CHRNG: variants seen among roughly 807,000 people sequenced by gnomAD.
CHRNG encodes acetylcholine receptor subunit gamma.
A neutral mutation model predicts 65.2 loss-of-function variants in CHRNG; 72 were observed. The ratio of observed to expected loss-of-function variants is 1.10; its 90% confidence interval spans 0.91 to 1.34. The LOEUF (loss-of-function observed/expected upper bound fraction) is 1.34. Ranked by LOEUF, CHRNG falls within the 40% of genes most tolerant of loss-of-function variation. The probability of loss-of-function intolerance (pLI) is 0.00; values close to 1 mark genes in which losing one functional copy is unlikely to be tolerated. For synonymous variants in CHRNG, 284 were observed against 290.2 expected, an observed-to-expected ratio of 0.98 and a Z score of 0.22; for missense variants, 637 against 680.1, an observed-to-expected ratio of 0.94 and a Z score of 0.70.
intron 5 of CHRNG, among the ~76,000 whole-genome samples, chr2:232,542,081 C>T (rs1190434): frequency 0.84 from 127,896 of 152,106 alleles, 53,921 homozygotes; most frequent in East Asian, 0.93. Context: ...TCTGTAGACA[C>T]GGGGGTCCTC....
Position 232,545,664 on chromosome 2 carries a change from C to G in CHRNG, c.1502C>G (p.Pro501Arg). The change falls in exon 12 of 12, where the codon CCG becomes CGG. Residue 501 changes from proline to arginine, a missense_variant. By Grantham distance (103) the Pro-to-Arg change is moderately radical. Coordinates refer to ENST00000651502, the MANE Select transcript of CHRNG (RefSeq NM_005199.5). ...CTCATGGCCCACTACAACCGGGTGCCGGCCCTGCCATTCCCTGGAGATCCA... is the reference window on the plus strand; with the variant it reads ...CTCATGGCCCACTACAACCGGGTGCGGGCCCTGCCATTCCCTGGAGATCCA... The part of the protein sequence containing the change: ...IFLMAHYNRV[P>R]ALPFPGDPRP... 6.2e-7 allele frequency: 1 copy of G among 1,614,142 alleles called. No individual in the cohort carries two copies. The highest frequency in any genetic ancestry group is 8.5e-7 in the Non-Finnish European group (1 of 1,180,032).
rs202064405 is a variant in CHRNG at position 232,541,095 on chromosome 2, C to CTATTATTATTATTATTAT, written c.351-272_351-255dup. On this transcript the variant is annotated intron_variant, in intron 4 of 11. Transcript: ENST00000651502. This position sits in a 1 kb window ranked among gnomAD's most constrained non-coding sequence, Gnocchi z 4.0. ...CTTAACACATTAGTCGCTATTATGA[C>CTATTATTATTATTATTAT]TATTATTATTATTATTATTATTATG... is the stretch of plus-strand genomic sequence containing the variant. 1.5e-4 allele frequency among the ~76,000 whole-genome samples: 22 copies of CTATTATTATTATTATTAT among 149,848 alleles called. No homozygotes were observed. The highest frequency in any genetic ancestry group is 5.4e-4 in the African/African-American group (22 of 40,494).
chr2:232,543,962 A>C (rs984231343), intron 9 of CHRNG, among the ~76,000 whole-genome samples: 1 of 152,250 alleles, frequency 6.6e-6, no homozygotes, highest in African/African-American at 2.4e-5. Context: ...AGGCGCAGAG[A>C]GGTTAAGTAA....
chr2:232,545,752 C>T lies in CHRNG; in HGVS notation c.*36C>T, dbSNP rs1574647700. On this transcript the variant is annotated 3_prime_UTR_variant, in exon 12 of 12. Transcript: ENST00000651502. ...CACTGTGGGGCATGTGGGAGTCACACACGTGGGTCACACTGAGTCTTATCA... is the reference window on the plus strand; with the variant it reads ...CACTGTGGGGCATGTGGGAGTCACATACGTGGGTCACACTGAGTCTTATCA... The T allele has an allele frequency of 6.2e-7, 1 of 1,607,814 alleles. No individual in the cohort carries two copies. Among genetic ancestry groups the T allele is most frequent in the Non-Finnish European group, 8.5e-7 (1 of 1,174,714 alleles).
Position 232,544,548 on chromosome 2 carries a change from AAGGGCTGGTGGCGGCAGCG to A in CHRNG, c.1218_1236del (p.Gln406HisfsTer5). On this transcript the variant is annotated frameshift_variant, in exon 10 of 12. Transcript: ENST00000651502. LOFTEE classifies it high-confidence loss of function. ...CTCCTCTTCCAGCAGTGGCAGCGGC[AAGGGCTGGTGGCGGCAGCG>A]CTGGAGAAGCTAGGTGAGACACACC... 1.9e-6 allele frequency: 3 copies of A among 1,613,676 alleles called. No individual in the cohort carries two copies. Among genetic ancestry groups the A allele is most frequent in the Non-Finnish European group, 2.5e-6 (3 of 1,179,928 alleles).
At chr2:232,545,288 G>T (rs1287929960) in intron 11 of CHRNG, among the ~76,000 whole-genome samples, 1 of 151,306 alleles carries the variant, frequency 6.6e-6, no homozygotes. Context: ...CTCTGGCCTG[G>T]GTGAAAGAGT....
rs777560454 is a variant in CHRNG at position 232,544,574 on chromosome 2, A to T, written c.1243A>T (p.Lys415Ter). Reference sequence around the variant, plus strand: ...AGGGCTGGTGGCGGCAGCGCTGGAGAAGCTAGGTGAGACACACCAGGTGTG... The same window carrying T: ...AGGGCTGGTGGCGGCAGCGCTGGAGTAGCTAGGTGAGACACACCAGGTGTG... ...RQGLVAAALEKLEKGPELGLS... is the reference protein window; with the variant it reads ...RQGLVAAALE Residue 415 changes from lysine (K) to a stop codon, truncating the protein, a stop_gained, in exon 10 of 12, where the codon AAG becomes TAG. Coordinates refer to ENST00000651502, the MANE Select transcript of CHRNG (RefSeq NM_005199.5). LOFTEE classifies it high-confidence loss of function. The T allele has an allele frequency of 1.9e-6, 3 of 1,612,410 alleles. No individual in the cohort carries two copies. In the Admixed American group the frequency reaches 5.0e-5, roughly 27 times the overall value.
chr2:232,540,770 C>A lies in CHRNG; in HGVS notation c.350+59C>A. ...CAAAGGACACAGGGTCTGGGCCCAG[C>A]AGAACAAGGCACTCTGGGAAAAGAG... is the stretch of plus-strand genomic sequence containing the variant. On this transcript the variant is annotated intron_variant, in intron 4 of 11. Coordinates refer to ENST00000651502, the MANE Select transcript of CHRNG (RefSeq NM_005199.5). The surrounding 1 kb of genome is among the most constrained non-coding windows in gnomAD (Gnocchi z 4.2). 7.1e-7 allele frequency: 1 copy of A among 1,416,740 alleles called. No individual in the cohort carries two copies. Among genetic ancestry groups the A allele is most frequent in the Non-Finnish European group, 9.8e-7 (1 of 1,022,258 alleles). The allele number at this position is 1,416,740 out of a possible 1,614,324, so 87.8% of individuals were successfully genotyped here. A position where few individuals can be genotyped will look rare whatever the true frequency, so the allele number is the denominator to read the frequency against.
chr2:232,545,891 G>A lies in CHRNG; in HGVS notation c.*175G>A, dbSNP rs190449191. The A allele has an allele frequency of 2.6e-6, 2 of 775,656 alleles. No individual in the cohort carries two copies. Among genetic ancestry groups the A allele is most frequent in the Non-Finnish European group, 4.3e-6 (2 of 460,808 alleles). The allele number at this position is 775,656 out of a possible 1,614,324, so 48.0% of individuals were successfully genotyped here. On this transcript the variant is annotated 3_prime_UTR_variant, in exon 12 of 12. Transcript: ENST00000651502. ...GGAAACAGTCTGAGCTGGAGTCCGA[G>A]AGTGGTTGGGGGTGGGCCGTGGCTA... is the stretch of plus-strand genomic sequence containing the variant.
intron 1 of CHRNG, 68 bp from the exon 2 acceptor site, chr2:232,539,924 A>C: frequency 6.2e-7 from 1 of 1,611,826 alleles, no homozygotes; most frequent in Non-Finnish European, 8.5e-7. Flanking sequence ...TCCCCACTTC[A>C]CACCCCCAGG....
chr2:232,543,357 T>C lies in CHRNG; in HGVS notation c.888T>C (p.Pro296=). 6.2e-7 allele frequency: 1 copy of C among 1,614,000 alleles called. No individual in the cohort carries two copies. The highest frequency in any genetic ancestry group is 8.5e-7 in the Non-Finnish European group (1 of 1,179,916). ...TCTTCCTTGTGGCCAAGAAGGTGCC[T>C]GAAACCTCCCAGGCGGTGCCACTCA... ...VFLFLVAKKV[P]ETSQAVPLIS... Residue 296 remains proline, a synonymous_variant, in exon 8 of 12, where the codon CCT becomes CCC. Coordinates refer to ENST00000651502, the MANE Select transcript of CHRNG (RefSeq NM_005199.5).
Position 232,544,804 on chromosome 2 carries a change from T to G in CHRNG, c.1282T>G (p.Cys428Gly), listed in dbSNP as rs1332179500. The G allele has an allele frequency of 2.5e-6, 4 of 1,613,868 alleles. No individual in the cohort carries two copies. The highest frequency in any genetic ancestry group is 3.4e-6 in the Non-Finnish European group (4 of 1,180,022). The part of the protein sequence containing the change: ...KGPELGLSQF[C>G]GSLKQAAPAI... ...CCCGGAGTTAGGGCTGAGCCAGTTC[T>G]GTGGCAGCCTGAAGCAGGCTGCCCC... The change falls in exon 11 of 12, where the codon TGT becomes GGT. Residue 428 changes from cysteine (C) to glycine (G), a missense_variant. By Grantham distance (159) the Cys-to-Gly change is radical. Transcript: ENST00000651502.
At chr2:232,545,318 C>CA (rs1156427198) in intron 11 of CHRNG, among the ~76,000 whole-genome samples, 1,304 of 64,416 alleles carry the variant, frequency 0.02, 10 homozygotes, top group African/African-American at 0.036. Context: ...GACTCCGTCT[C>CA]AAAAAAAAAA....
Position 232,541,603 on chromosome 2 carries a change from G to C in CHRNG, c.506+74G>C, listed in dbSNP as rs1692019026. ...CTGGGCAGTGGTGGGGTAAGGCCTG[G>C]GCAAGGCTTCTGGCCTTGGCTCTGG... On this transcript the variant is annotated intron_variant, in intron 5 of 11. Transcript: ENST00000651502. This position sits in a 1 kb window ranked among gnomAD's most constrained non-coding sequence, Gnocchi z 4.0. 6.4e-7 allele frequency: 1 copy of C among 1,570,194 alleles called. No homozygotes were observed. The highest frequency in any genetic ancestry group is 8.7e-7 in the Non-Finnish European group (1 of 1,150,710).
In CHRNG at chr2:232,547,881, T is replaced by C; in HGVS notation, c.*2165T>C. ...ATAAGTTACTGTCTCATGGGATCCA[T>C]ACAGCAACCTAAGGAGGTAGGTCGA... On this transcript the variant is annotated 3_prime_UTR_variant, in exon 12 of 12. Transcript: ENST00000651502. The C allele has an allele frequency of 2.5e-6, 1 of 398,286 alleles. No individual in the cohort carries two copies. Among genetic ancestry groups the C allele is most frequent in the Non-Finnish European group, 4.4e-6 (1 of 226,624 alleles). 24.7% of individuals were successfully genotyped at this position (398,286 alleles called of 1,614,324 possible). A position where few individuals can be genotyped will look rare whatever the true frequency, so the allele number is the denominator to read the frequency against.
Position 232,541,095 on chromosome 2 carries a change from C to CTATTATTATTAT in CHRNG, c.351-266_351-255dup, listed in dbSNP as rs202064405. Among the ~76,000 whole-genome samples, 19 of 149,848 alleles carry CTATTATTATTAT rather than the reference C, an allele frequency of 1.3e-4. No individual in the cohort carries two copies. The highest frequency in any genetic ancestry group is 4.7e-4 in the African/African-American group (19 of 40,494). Reference sequence around the variant, plus strand: ...CTTAACACATTAGTCGCTATTATGACTATTATTATTATTATTATTATTATG... The same window carrying CTATTATTATTAT: ...CTTAACACATTAGTCGCTATTATGACTATTATTATTATTATTATTATTATTATTATTATTATG... On this transcript the variant is annotated intron_variant, in intron 4 of 11. Transcript: ENST00000651502. This position sits in a 1 kb window ranked among gnomAD's most constrained non-coding sequence, Gnocchi z 4.0.
At chr2:232,542,288 T>C (rs1881492) in intron 5 of CHRNG, 135 bp from the exon 6 acceptor site, 1 of 692,894 alleles carries the variant, frequency 1.4e-6, no homozygotes, top group African/African-American at 1.8e-5. Flanking sequence ...AGTGGGGTTT[T>C]ATAGAGAACT....
rs1242392783 is a variant in CHRNG, at chr2:232,542,444, T to C, written c.528T>C (p.Asn176=). ...LIFQSQTYST[N]EIDLQLSQED... ...CCAGGTCCCAGACTTACAGCACCAA[T>C]GAGATTGATCTGCAGCTGAGTCAGG... Residue 176 remains asparagine, a synonymous_variant, in exon 6 of 12, where the codon AAT becomes AAC. Transcript: ENST00000651502. 2.5e-6 allele frequency: 4 copies of C among 1,601,130 alleles called. No individual in the cohort carries two copies. The highest frequency in any genetic ancestry group is 1.7e-5 in the Admixed American group (1 of 59,986).
intron 8 of CHRNG, 81 bp from the exon 9 acceptor site, chr2:232,543,504 G>T: frequency 9.2e-7 from 1 of 1,091,372 alleles, no homozygotes; most frequent in Non-Finnish European, 1.3e-6. Flanking sequence ...CAATTCAGGA[G>T]GCCTGAGGGG....
Sources: allele counts gnomAD v4.1 joint callset (sites outside exome capture counted in the v4.1 genomes callset), GRCh38; gene constraint gnomAD v4.1.1; non-coding constraint Gnocchi (gnomAD v3.1); transcripts MANE v1.5; gene names NCBI Gene and HGNC (gene_info 2026-07-23, HGNC 2026-07-21).